CYP19A1: variants seen among roughly 807,000 people sequenced by gnomAD.
CYP19A1 encodes the protein cytochrome P450 family 19 subfamily A member 1.
Under a neutral mutation model 44.4 loss-of-function variants are expected in CYP19A1, and 32 were observed. The observed-to-expected ratio is 0.72, with a 90% confidence interval of 0.54 to 0.97. The LOEUF is 0.97. CYP19A1 is among the 50% of genes least tolerant of loss of function. The pLI, the probability that CYP19A1 is intolerant of heterozygous loss-of-function variation, is 0.00. For synonymous variants in CYP19A1, 212 were observed against 215.6 expected, an observed-to-expected ratio of 0.98 and a Z score of 0.14; for missense variants, 598 against 637.8, an observed-to-expected ratio of 0.94 and a Z score of 0.67.
intron 1 of CYP19A1, among the ~76,000 whole-genome samples, chr15:51,286,634 C>A (rs183441444): frequency 6.6e-6 from 1 of 152,124 alleles, no homozygotes; most frequent in South Asian, 2.1e-4. Flanking sequence ...CCAAGAAAAA[C>A]GAAGACCCTT....
intron 1 of CYP19A1, among the ~76,000 whole-genome samples, chr15:51,295,596 C>T (rs1202201105): frequency 6.6e-6 from 1 of 152,158 alleles, no homozygotes; most frequent in Non-Finnish European, 1.5e-5. Context: ...GTATAGAAAG[C>T]TAGAGTTAGG....
chr15:51,212,317 T>C lies in CYP19A1; in HGVS notation c.1263+3A>G. On this transcript the variant is annotated splice_donor_region_variant and intron_variant, in intron 9 of 9. Coordinates refer to ENST00000396402, the MANE Select transcript of CYP19A1 (RefSeq NM_000103.4). The stretch of plus-strand genomic sequence containing the variant: ...ACACTCAGTTTTAAGGAAGGGCTCT[T>C]ACATTCTTTGCAAAATTTTCAAGAG... 9 of 1,593,066 alleles carry C rather than the reference T, an allele frequency of 5.6e-6. No individual in the cohort carries two copies. Among genetic ancestry groups the C allele is most frequent in the Non-Finnish European group, 7.8e-6 (9 of 1,160,804 alleles).
chr15:51,293,102 G>A (rs972863702), intron 1 of CYP19A1, among the ~76,000 whole-genome samples: 9 of 152,004 alleles, frequency 5.9e-5, no homozygotes, highest in African/African-American at 2.2e-4. Context: ...TGGACTTTGG[G>A]GATTTGGGGG....
At chr15:51,215,337 T>C (rs2031464818) in intron 7 of CYP19A1, 105 bp from the exon 8 acceptor site, 11 of 1,522,876 alleles carry the variant, frequency 7.2e-6, no homozygotes, top group East Asian at 2.3e-5. Flanking sequence ...AATGAAATCA[T>C]AGAAACCACA....
chr15:51,258,501 T>C (rs1003496418), intron 1 of CYP19A1, among the ~76,000 whole-genome samples: 1 of 152,252 alleles, frequency 6.6e-6, no homozygotes, highest in African/African-American at 2.4e-5. Flanking sequence ...ATCCTGTATG[T>C]GCCTCAGCCT....
intron 1 of CYP19A1, among the ~76,000 whole-genome samples, chr15:51,244,491 A>G (rs1353780580): frequency 6.6e-6 from 1 of 152,176 alleles, no homozygotes; most frequent in Admixed American, 6.5e-5. Flanking sequence ...ATATAAGTCG[A>G]AACTAAAAAG....
chr15:51,280,662 C>T (rs1482113727), intron 1 of CYP19A1, among the ~76,000 whole-genome samples: 1 of 152,204 alleles, frequency 6.6e-6, no homozygotes, highest in East Asian at 1.9e-4. Context: ...TGAGCCACTG[C>T]CCTCACTCAG....
intron 1 of CYP19A1, among the ~76,000 whole-genome samples, chr15:51,293,112 G>T (rs1224826334): frequency 1.3e-5 from 2 of 151,216 alleles, no homozygotes; most frequent in East Asian, 2.0e-4. Context: ...GGATTTGGGG[G>T]AAAGGGTGGG....
At chr15:51,330,523 CT>C (rs1283861311) in intron 1 of CYP19A1, among the ~76,000 whole-genome samples, 1 of 152,178 alleles carries the variant, frequency 6.6e-6, no homozygotes, top group Non-Finnish European at 1.5e-5. Context: ...AGTTACACCA[CT>C]GGTACTTGGC....
chr15:51,309,581 G>T (rs145137827), intron 1 of CYP19A1, among the ~76,000 whole-genome samples: 3 of 152,158 alleles, frequency 2.0e-5, no homozygotes, highest in Non-Finnish European at 2.9e-5. Context: ...TGTTTAGTAG[G>T]CAAGAAGACT....
intron 6 of CYP19A1, 111 bp downstream of exon 6, chr15:51,218,430 G>C: frequency 6.9e-7 from 1 of 1,454,220 alleles, no homozygotes; most frequent in South Asian, 1.3e-5. Context: ...CTCCCTTGTG[G>C]GCTCTAGAGA....
intron 1 of CYP19A1, among the ~76,000 whole-genome samples, chr15:51,270,744 T>A (rs1428714971): frequency 6.6e-6 from 1 of 152,206 alleles, no homozygotes. Context: ...AATCCATCCG[T>A]CTGACTCTAG....
chr15:51,321,371 C>T (rs1375707653), intron 1 of CYP19A1, among the ~76,000 whole-genome samples: 1 of 152,164 alleles, frequency 6.6e-6, no homozygotes, highest in Admixed American at 6.5e-5. Flanking sequence ...CCTGTGCTCA[C>T]CCTGCTCCCT....
At chr15:51,253,815 G>A (rs1019337182) in intron 1 of CYP19A1, among the ~76,000 whole-genome samples, 13 of 152,120 alleles carry the variant, frequency 8.5e-5, no homozygotes, top group African/African-American at 3.1e-4. Context: ...AAGAAGCTTG[G>A]TACTGTTGAC....
chr15:51,296,911 G>A (rs1007231069), intron 1 of CYP19A1, among the ~76,000 whole-genome samples: 2 of 152,134 alleles, frequency 1.3e-5, no homozygotes, highest in African/African-American at 4.8e-5. Context: ...AACACCAAAG[G>A]GTAGAAGTTT....
intron 1 of CYP19A1, among the ~76,000 whole-genome samples, chr15:51,294,843 G>A (rs532225062): frequency 2.0e-4 from 30 of 152,118 alleles, no homozygotes; most frequent in Admixed American, 1.8e-3. Flanking sequence ...CATTGAGAAC[G>A]GGCCATGATG....
chr15:51,233,061 G>A (rs776567089), intron 3 of CYP19A1, among the ~76,000 whole-genome samples: 29 of 152,068 alleles, frequency 1.9e-4, no homozygotes, highest in South Asian at 2.1e-4. Flanking sequence ...ATGCTTTCCC[G>A]CCAGGTCTCT....
chr15:51,212,032 A>G (rs1329366127), intron 9 of CYP19A1, among the ~76,000 whole-genome samples: 2 of 152,174 alleles, frequency 1.3e-5, no homozygotes, highest in East Asian at 3.9e-4. Context: ...TTAAACAAAA[A>G]TCACTTCATT....
chr15:51,255,008 G>C (rs1485001642), intron 1 of CYP19A1, among the ~76,000 whole-genome samples: 1 of 152,106 alleles, frequency 6.6e-6, no homozygotes, highest in Non-Finnish European at 1.5e-5. Flanking sequence ...CCTATGGGAG[G>C]ATGTAACAGA....
Sources: allele counts gnomAD v4.1 joint callset (sites outside exome capture counted in the v4.1 genomes callset), GRCh38; gene constraint gnomAD v4.1.1; transcripts MANE v1.5; gene names NCBI Gene and HGNC (gene_info 2026-07-23, HGNC 2026-07-21).